Variants in RAD51B observed in about 807,000 individuals in gnomAD.
The protein encoded by RAD51B is DNA repair protein RAD51 homolog 2.
A neutral mutation model predicts 42.2 loss-of-function variants in RAD51B; 38 were observed. That is an observed-to-expected ratio of 0.90 (90% CI 0.70 to 1.18). RAD51B has a LOEUF of 1.18. Ranked by LOEUF, RAD51B falls within the 50% of genes most tolerant of loss-of-function variation. The pLI, the probability that RAD51B is intolerant of heterozygous loss-of-function variation, is 0.00. For synonymous variants in RAD51B, 154 were observed against 145.2 expected, an observed-to-expected ratio of 1.06 and a Z score of -0.43; for missense variants, 373 against 400.7, an observed-to-expected ratio of 0.93 and a Z score of 0.59.
intron 9 of RAD51B, among the ~76,000 whole-genome samples, chr14:68,429,960 A>C (rs891625394): frequency 1.3e-5 from 2 of 152,176 alleles, no homozygotes; most frequent in Admixed American, 6.5e-5. Context: ...TCAGCTTTCT[A>C]CATATGGCCA....
At chr14:68,215,873 G>C (rs2079803967) in intron 7 of RAD51B, among the ~76,000 whole-genome samples, 2 of 152,172 alleles carry the variant, frequency 1.3e-5, no homozygotes, top group Admixed American at 1.3e-4. Context: ...AACTTACTCA[G>C]TACCAAGGAT....
At chr14:68,301,552 T>G (rs971859007) in intron 8 of RAD51B, among the ~76,000 whole-genome samples, 1 of 151,508 alleles carries the variant, frequency 6.6e-6, no homozygotes, top group African/African-American at 2.4e-5. Flanking sequence ...AAGTCCTGTC[T>G]TAGGGTCATT....
chr14:68,229,575 A>C (rs1220413590), intron 7 of RAD51B, among the ~76,000 whole-genome samples: 1 of 152,308 alleles, frequency 6.6e-6, no homozygotes, highest in South Asian at 2.1e-4. Flanking sequence ...AGATATCTGC[A>C]ATAAAATCTG....
intron 7 of RAD51B, among the ~76,000 whole-genome samples, chr14:67,911,159 T>G (rs576918971): frequency 3.3e-5 from 5 of 152,268 alleles, no homozygotes; most frequent in Admixed American, 1.3e-4. Flanking sequence ...GATGGAAAAC[T>G]GTTAGCCCTT....
intron 11 of RAD51B, among the ~76,000 whole-genome samples, chr14:68,660,764 G>A (rs1395183571): frequency 1.3e-5 from 2 of 152,174 alleles, no homozygotes; most frequent in Non-Finnish European, 2.9e-5. Context: ...CAGAGGGGGC[G>A]GTGTTTGGGC....
At chr14:68,074,240 C>T (rs2076798575) in intron 7 of RAD51B, among the ~76,000 whole-genome samples, 1 of 151,774 alleles carries the variant, frequency 6.6e-6, no homozygotes, top group African/African-American at 2.4e-5. Flanking sequence ...ATTCTTTTTT[C>T]TTTATTTTTG....
intron 8 of RAD51B, among the ~76,000 whole-genome samples, chr14:68,390,796 T>C (rs2083724847): frequency 6.6e-6 from 1 of 152,216 alleles, no homozygotes; most frequent in African/African-American, 2.4e-5. Context: ...AAGCTTACTT[T>C]AGTGTTTCAC....
intron 7 of RAD51B, among the ~76,000 whole-genome samples, chr14:67,893,501 C>CAAA (rs1198578503): frequency 1.0e-5 from 1 of 96,084 alleles, no homozygotes; most frequent in Non-Finnish European, 2.0e-5. Flanking sequence ...CACACACACA[C>CAAA]ACACACACAA....
At chr14:68,167,497 T>C (rs1222803328) in intron 7 of RAD51B, among the ~76,000 whole-genome samples, 1 of 152,152 alleles carries the variant, frequency 6.6e-6, no homozygotes, top group Admixed American at 6.6e-5. Context: ...ATTTTTGCCT[T>C]TCAACGTCCA....
chr14:67,929,519 T>C (rs1196724654), intron 7 of RAD51B, among the ~76,000 whole-genome samples: 4 of 152,158 alleles, frequency 2.6e-5, no homozygotes, highest in Non-Finnish European at 5.9e-5. Context: ...CCTGGAGAAT[T>C]TTCTATGTGC....
intron 7 of RAD51B, chr14:68,125,146 G>A (rs924419030): frequency 3.9e-5 from 6 of 152,068 alleles, no homozygotes; most frequent in Admixed American, 2.6e-4. Context: ...ACAGCAAAGT[G>A]GTTTAAAAAT....
chr14:68,331,675 C>G (rs2082355582), intron 8 of RAD51B, among the ~76,000 whole-genome samples: 1 of 152,132 alleles, frequency 6.6e-6, no homozygotes, highest in Admixed American at 6.6e-5. Context: ...CAGTCATTTC[C>G]CCTTCATGGA....
intron 7 of RAD51B, among the ~76,000 whole-genome samples, chr14:67,944,337 A>T (rs1339096643): frequency 2.0e-5 from 3 of 150,492 alleles, no homozygotes. Flanking sequence ...TAAGGAAGTT[A>T]TTTTCTTTCA....
At chr14:67,844,220 G>A (rs2041529093) in intron 4 of RAD51B, among the ~76,000 whole-genome samples, 1 of 151,570 alleles carries the variant, frequency 6.6e-6, no homozygotes, top group African/African-American at 2.4e-5. Flanking sequence ...AGTGTGATTG[G>A]TATGATTGCA....
intron 7 of RAD51B, among the ~76,000 whole-genome samples, chr14:67,952,036 T>A (rs983635041): frequency 2.6e-5 from 4 of 152,104 alleles, no homozygotes; most frequent in Admixed American, 6.6e-5. Context: ...CAGAATGAAG[T>A]CTAAGTCACT....
chr14:67,857,609 AAC>A (rs2042037698), intron 4 of RAD51B, among the ~76,000 whole-genome samples: 1 of 152,224 alleles, frequency 6.6e-6, no homozygotes, highest in Non-Finnish European at 1.5e-5. Flanking sequence ...CAAAGCATTG[AAC>A]AGTTTTCAGC....
chr14:67,964,313 T>C (rs2074725597), intron 7 of RAD51B, among the ~76,000 whole-genome samples: 1 of 152,194 alleles, frequency 6.6e-6, no homozygotes, highest in Admixed American at 6.5e-5. Flanking sequence ...GTCAAAGATT[T>C]GGAATTTACT....
intron 10 of RAD51B, among the ~76,000 whole-genome samples, chr14:68,524,810 T>C (rs1886817434): frequency 6.6e-6 from 1 of 152,158 alleles, no homozygotes; most frequent in Non-Finnish European, 1.5e-5. Context: ...ATTTCCAGTG[T>C]TTTCTCTGAG....
chr14:68,540,279 G>GCCTA (rs2140366274), intron 10 of RAD51B: 1 of 1,028,416 alleles, frequency 9.7e-7, no homozygotes, highest in East Asian at 6.1e-5. Context: ...AGGTTCAAGA[G>GCCTA]CCTAGGACTC....
Sources: gnomAD v4.1 joint callset for allele counts (sites outside exome capture counted in the v4.1 genomes callset) on GRCh38, gnomAD v4.1.1 for gene constraint, MANE v1.5 for transcripts, NCBI Gene and HGNC (gene_info 2026-07-23, HGNC 2026-07-21) for gene names.